ESRRG: variants seen among roughly 807,000 people sequenced by gnomAD.
ESRRG encodes estrogen-related receptor gamma.
A neutral mutation model predicts 44.0 loss-of-function variants in ESRRG; 13 were observed. The ratio of observed to expected loss-of-function variants is 0.30; its 90% confidence interval spans 0.19 to 0.47. ESRRG has a LOEUF of 0.47. Ranked by LOEUF, ESRRG falls within the 20% of genes least tolerant of loss-of-function variation. ESRRG has a pLI of 1.00. For missense variants in ESRRG, 395 were observed against 580.6 expected (o/e 0.68, Z 3.29); for synonymous variants, 215 against 214.6 (o/e 1.00, Z -0.02).
intron 2 of ESRRG, among the ~76,000 whole-genome samples, chr1:216,895,985 C>T (rs1341500008): frequency 6.6e-6 from 1 of 152,176 alleles, no homozygotes; most frequent in Non-Finnish European, 1.5e-5. Flanking sequence ...TCAGGTTTCT[C>T]CTTGTACTCA....
intron 1 of ESRRG, among the ~76,000 whole-genome samples, chr1:216,961,754 G>T (rs951750823): frequency 1.3e-5 from 2 of 152,092 alleles, no homozygotes; most frequent in Admixed American, 1.3e-4. Context: ...TCAATTACCT[G>T]CATGACAGCA....
chr1:216,912,568 C>T (rs72741425), intron 2 of ESRRG, among the ~76,000 whole-genome samples: 2 of 152,188 alleles, frequency 1.3e-5, no homozygotes, highest in South Asian at 2.1e-4. Context: ...CCTCCCCAAA[C>T]ACATTTGTGA....
intron 1 of ESRRG, among the ~76,000 whole-genome samples, chr1:217,051,922 C>T (rs1043707565): frequency 4.0e-5 from 6 of 151,538 alleles, no homozygotes; most frequent in African/African-American, 1.5e-4. Flanking sequence ...CACCACCACA[C>T]CCAGATAATT....
chr1:216,670,492 C>A (rs11572696), intron 2 of ESRRG, among the ~76,000 whole-genome samples: 5 of 152,132 alleles, frequency 3.3e-5, no homozygotes, highest in East Asian at 1.9e-4. Context: ...AGAAGGTATA[C>A]GTAGCACAAA....
chr1:217,021,051 C>CACACACACACAT (rs2080232263), intron 1 of ESRRG, among the ~76,000 whole-genome samples: 1 of 149,040 alleles, frequency 6.7e-6, no homozygotes, highest in African/African-American at 2.5e-5. Flanking sequence ...GCCATGCATA[C>CACACACACACAT]ACACACACAC....
At chr1:216,730,305 T>TAAAAAAAA (rs11445965) in intron 2 of ESRRG, among the ~76,000 whole-genome samples, 1 of 121,452 alleles carries the variant, frequency 8.2e-6, no homozygotes, top group Non-Finnish European at 1.7e-5. Context: ...CTTAGAAAGG[T>TAAAAAAAA]AAAAAAAAAA....
At chr1:216,736,493 A>AT (rs2089944293) in intron 2 of ESRRG, among the ~76,000 whole-genome samples, 1 of 152,076 alleles carries the variant, frequency 6.6e-6, no homozygotes, top group African/African-American at 2.4e-5. Context: ...GTTAAGGACT[A>AT]TTTTAACTGT....
chr1:216,690,969 A>G (rs867636540), intron 1 of ESRRG, among the ~76,000 whole-genome samples: 9 of 152,332 alleles, frequency 5.9e-5, no homozygotes, highest in African/African-American at 1.9e-4. Context: ...TAAACATAAC[A>G]TAAATGCATT....
intron 2 of ESRRG, among the ~76,000 whole-genome samples, chr1:216,929,642 CA>C (rs2063063505): frequency 6.6e-6 from 1 of 152,146 alleles, no homozygotes; most frequent in African/African-American, 2.4e-5. Flanking sequence ...TAGTGCATCA[CA>C]GGTGGTTTGG....
At chr1:216,793,719 A>C (rs529717097) in intron 2 of ESRRG, among the ~76,000 whole-genome samples, 1 of 152,184 alleles carries the variant, frequency 6.6e-6, no homozygotes, top group Non-Finnish European at 1.5e-5. Context: ...TTAATTTGTT[A>C]TGTGTCCTAA....
intron 1 of ESRRG, among the ~76,000 whole-genome samples, chr1:217,123,912 A>C (rs957801888): frequency 2.1e-5 from 3 of 145,850 alleles, no homozygotes; most frequent in Admixed American, 6.7e-5. Context: ...AGAGCTTAAA[A>C]AAGTAAAGTA....
intron 2 of ESRRG, among the ~76,000 whole-genome samples, chr1:216,845,932 G>A (rs183470650): frequency 6.6e-5 from 10 of 152,172 alleles, no homozygotes; most frequent in East Asian, 5.8e-4. Context: ...AGAAAGCTGC[G>A]TTTCTATTGC....
rs1022595371 is a variant in ESRRG at position 217,019,544 on chromosome 1, C to T, written c.-106+69963G>A. Among the ~76,000 whole-genome samples the T allele has an allele frequency of 5.3e-5, 8 of 152,146 alleles. 1 individual carries two copies. Among genetic ancestry groups the T allele is most frequent in the Admixed American group, 5.2e-4 (8 of 15,274 alleles). ...AGGATAGTCTTGACAGGAAAACCTG[C>T]AAGGACCAAAACACATGTCTGAAGG... On this transcript the variant is annotated intron_variant, in intron 1 of 7. Coordinates refer to the ESRRG transcript ENST00000359162.
chr1:216,807,183 T>C (rs1487321750), intron 2 of ESRRG, among the ~76,000 whole-genome samples: 3 of 152,126 alleles, frequency 2.0e-5, no homozygotes, highest in Admixed American at 6.5e-5. Flanking sequence ...AATTTGGAAG[T>C]CCCTCGAAGT....
At chr1:216,875,601 A>G (rs796675554) in intron 2 of ESRRG, among the ~76,000 whole-genome samples, 23 of 152,220 alleles carry the variant, frequency 1.5e-4, no homozygotes, top group African/African-American at 5.1e-4. Context: ...TCATTGCCAT[A>G]TAGTATTCCT....
intron 2 of ESRRG, among the ~76,000 whole-genome samples, chr1:216,755,520 G>A (rs1346493486): frequency 6.6e-6 from 1 of 151,910 alleles, no homozygotes; most frequent in Non-Finnish European, 1.5e-5. Context: ...ATATTCAATA[G>A]CATATTATAC....
chr1:216,549,675 G>A (rs1033725938), intron 5 of ESRRG, among the ~76,000 whole-genome samples: 3 of 152,024 alleles, frequency 2.0e-5, no homozygotes, highest in Non-Finnish European at 2.9e-5. Flanking sequence ...ATACATGCAC[G>A]TCTTCACAGA....
intron 2 of ESRRG, among the ~76,000 whole-genome samples, chr1:216,795,992 T>C (rs1264399212): frequency 6.6e-6 from 1 of 152,156 alleles, no homozygotes. Context: ...CATGGGGCAT[T>C]GCATATCAGG....
At chr1:217,037,420 G>A (rs192538055) in intron 1 of ESRRG, among the ~76,000 whole-genome samples, 3 of 152,246 alleles carry the variant, frequency 2.0e-5, no homozygotes, top group East Asian at 3.9e-4. Flanking sequence ...CAAAGAAAGA[G>A]CTTGTGCAGA....
Sources: allele counts gnomAD v4.1 joint callset (sites outside exome capture counted in the v4.1 genomes callset), GRCh38; gene constraint gnomAD v4.1.1; transcripts MANE v1.5; gene names NCBI Gene and HGNC (gene_info 2026-07-23, HGNC 2026-07-21).